Variants in CNTN5 observed in about 807,000 individuals in gnomAD.
CNTN5 encodes contactin-5.
In CNTN5, 77 loss-of-function variants were observed where a neutral mutation model predicts 129.1. The ratio of observed to expected loss-of-function variants is 0.60; its 90% CI spans 0.50 to 0.72. CNTN5 has a LOEUF of 0.72. CNTN5 is among the 30% of genes least tolerant of loss of function. The probability of loss-of-function intolerance (pLI) is 0.00; values close to 1 mark genes in which losing one functional copy is unlikely to be tolerated. For missense variants in CNTN5, 1,478 were observed against 1,328.8 expected (o/e 1.11, Z -1.75); for synonymous variants, 509 against 465.6 (o/e 1.09, Z -1.20).
chr11:99,961,264 G>C (rs1238812310), intron 8 of CNTN5, among the ~76,000 whole-genome samples: 1 of 149,362 alleles, frequency 6.7e-6, no homozygotes, highest in Non-Finnish European at 1.5e-5. Context: ...GGGGAAATAA[G>C]GGTTTCCATA....
intron 9 of CNTN5, among the ~76,000 whole-genome samples, chr11:100,011,006 TG>T (rs1002618333): frequency 2.6e-4 from 39 of 152,284 alleles, no homozygotes; most frequent in African/African-American, 9.1e-4. Flanking sequence ...TGCTGAATTT[TG>T]GGATCCCTAG....
chr11:100,080,014 CTT>C (rs1479172503), intron 13 of CNTN5, among the ~76,000 whole-genome samples: 1 of 152,104 alleles, frequency 6.6e-6, no homozygotes, highest in East Asian at 1.9e-4. Flanking sequence ...CAAAGACAAT[CTT>C]AGCTAAAATG....
chr11:99,843,465 A>G (rs1044296893), intron 4 of CNTN5, among the ~76,000 whole-genome samples: 2 of 152,036 alleles, frequency 1.3e-5, no homozygotes, highest in Admixed American at 6.6e-5. Context: ...TTTAGCTCAA[A>G]TTTCCTGGAA....
chr11:100,001,923 C>T, intron 8 of CNTN5, 111 bp from the exon 9 acceptor site: 1 of 746,176 alleles, frequency 1.3e-6, no homozygotes, highest in South Asian at 1.8e-5. Context: ...TAACAGTCAT[C>T]AAACAGACAT....
chr11:100,105,025 G>T (rs759763955), intron 13 of CNTN5, among the ~76,000 whole-genome samples: 5 of 152,162 alleles, frequency 3.3e-5, no homozygotes, highest in Non-Finnish European at 7.3e-5. Context: ...ATAAAGGCAG[G>T]ACGGTATATT....
chr11:100,038,619 C>G (rs912315720), intron 9 of CNTN5, among the ~76,000 whole-genome samples: 5 of 152,214 alleles, frequency 3.3e-5, no homozygotes, highest in African/African-American at 7.2e-5. Context: ...CTTTGTAGGT[C>G]ACTAAGGACT....
rs112872652 is a variant in CNTN5 at position 100,126,377 on chromosome 11, T to C, written c.1580+52083T>C. On this transcript the variant is annotated intron_variant, in intron 13 of 24. Transcript: ENST00000524871. ...TTTTGTACCTTGATAATCTTTGTAATACCGTCAGTTGGTCCCCCTCTACTA... is the reference window on the plus strand; with the variant it reads ...TTTTGTACCTTGATAATCTTTGTAACACCGTCAGTTGGTCCCCCTCTACTA... Among the ~76,000 whole-genome samples, 1,403 of 152,272 alleles carry C rather than the reference T, an allele frequency of 9.2e-3. 17 individuals carry two copies. Among genetic ancestry groups the C allele is most frequent in the African/African-American group, 0.03 (1,246 of 41,574 alleles).
chr11:99,138,433 A>G (rs540535523), intron 1 of CNTN5, among the ~76,000 whole-genome samples: 3 of 152,294 alleles, frequency 2.0e-5, no homozygotes, highest in Admixed American at 6.5e-5. Flanking sequence ...AATGGTATGT[A>G]TAAACCCAGG....
chr11:99,778,473 G>C (rs1945201048), intron 3 of CNTN5, among the ~76,000 whole-genome samples: 1 of 151,746 alleles, frequency 6.6e-6, no homozygotes, highest in African/African-American at 2.4e-5. Flanking sequence ...TATTAGAATA[G>C]ATGGATAAAA....
At chr11:100,135,416 C>T (rs1184980862) in intron 13 of CNTN5, among the ~76,000 whole-genome samples, 1 of 152,036 alleles carries the variant, frequency 6.6e-6, no homozygotes, top group African/African-American at 2.4e-5. Context: ...ACCTTATGAT[C>T]CTCCTGCCTC....
At chr11:99,434,486 C>G (rs944472248) in intron 2 of CNTN5, among the ~76,000 whole-genome samples, 2 of 152,050 alleles carry the variant, frequency 1.3e-5, no homozygotes, top group African/African-American at 4.8e-5. Context: ...CATGCAACAG[C>G]AAGTAAGATG....
At chr11:99,165,346 A>T (rs1048377450) in intron 1 of CNTN5, among the ~76,000 whole-genome samples, 3 of 152,200 alleles carry the variant, frequency 2.0e-5, no homozygotes, top group Non-Finnish European at 2.9e-5. Flanking sequence ...GAGTCTAATT[A>T]TTAGGTACAA....
intron 6 of CNTN5, among the ~76,000 whole-genome samples, chr11:99,883,089 G>A (rs936518480): frequency 6.6e-6 from 1 of 152,146 alleles, no homozygotes. Context: ...ACCCCGTTGT[G>A]TATAAGTACC....
rs115828948 is a variant in CNTN5 at position 99,616,109 on chromosome 11, A to C, written c.55+59840A>C. Among the ~76,000 whole-genome samples the C allele has an allele frequency of 1.1e-3, 169 of 152,268 alleles. 1 individual carries two copies. Among genetic ancestry groups the C allele is most frequent in the African/African-American group, 3.9e-3 (162 of 41,554 alleles). Reference sequence around the variant, plus strand: ...GCATTGTATGTTTTTAGTTCTGTGCAACTTTATGACATTTATAGATTTGTA... The same window carrying C: ...GCATTGTATGTTTTTAGTTCTGTGCCACTTTATGACATTTATAGATTTGTA... On this transcript the variant is annotated intron_variant, in intron 3 of 24. Transcript: ENST00000524871.
chr11:99,980,062 A>G (rs1476134538), intron 8 of CNTN5, among the ~76,000 whole-genome samples: 1 of 152,234 alleles, frequency 6.6e-6, no homozygotes, highest in African/African-American at 2.4e-5. Context: ...TCTTGTAACA[A>G]TGATTAGTGC....
At chr11:99,786,675 G>C (rs1945537121) in intron 3 of CNTN5, among the ~76,000 whole-genome samples, 1 of 152,118 alleles carries the variant, frequency 6.6e-6, no homozygotes, top group Non-Finnish European at 1.5e-5. Flanking sequence ...CAATGGAACA[G>C]AACAGAGACC....
chr11:99,700,781 T>C (rs1215191640), intron 3 of CNTN5, among the ~76,000 whole-genome samples: 1 of 151,330 alleles, frequency 6.6e-6, no homozygotes, highest in Non-Finnish European at 1.5e-5. Flanking sequence ...TTCATGCTAT[T>C]GTTCATACAA....
intron 9 of CNTN5, among the ~76,000 whole-genome samples, chr11:100,016,501 T>G (rs1412744007): frequency 1.3e-5 from 2 of 152,100 alleles, no homozygotes; most frequent in African/African-American, 4.8e-5. Flanking sequence ...CTTCGTTGCC[T>G]TAGATTATTC....
intron 1 of CNTN5, among the ~76,000 whole-genome samples, chr11:99,082,573 A>T (rs989623777): frequency 1.3e-5 from 2 of 152,218 alleles, no homozygotes; most frequent in Admixed American, 1.3e-4. Flanking sequence ...ATGGAATCTG[A>T]GAATGAATAA....
Sources: allele counts gnomAD v4.1 joint callset (sites outside exome capture counted in the v4.1 genomes callset), GRCh38; gene constraint gnomAD v4.1.1; transcripts MANE v1.5; gene names NCBI Gene and HGNC (gene_info 2026-07-23, HGNC 2026-07-21).